Variants in HSP90AA1 observed in about 807,000 individuals in gnomAD.
HSP90AA1 encodes heat shock protein 90 alpha family class A member 1.
A neutral mutation model predicts 73.3 loss-of-function variants in HSP90AA1; 18 were observed. That is an observed-to-expected ratio of 0.25 (90% CI 0.17 to 0.36). The LOEUF is 0.36. Ranked by LOEUF, HSP90AA1 falls within the 10% of genes least tolerant of loss-of-function variation. HSP90AA1 has a pLI of 1.00. For synonymous variants in HSP90AA1, 477 were observed against 296.9 expected, an observed-to-expected ratio of 1.61 and a Z score of -6.24; for missense variants, 704 against 874.2, an observed-to-expected ratio of 0.81 and a Z score of 2.45.
intron 1 of HSP90AA1, among the ~76,000 whole-genome samples, chr14:102,122,384 C>A (rs2049788990): frequency 6.7e-6 from 1 of 150,122 alleles, no homozygotes; most frequent in Admixed American, 6.7e-5. Context: ...AGGTTCACAA[C>A]ATTCTCCTAC....
At chr14:102,083,749 AAC>A (rs758235471) in intron 7 of HSP90AA1, 42 bp downstream of exon 7, 1 of 1,576,758 alleles carries the variant, frequency 6.3e-7, no homozygotes, top group Non-Finnish European at 8.7e-7. Context: ...AAAAAAAAAA[AAC>A]TAAAGAGGCC....
intron 1 of HSP90AA1, among the ~76,000 whole-genome samples, chr14:102,121,787 G>A (rs915603098): frequency 3.3e-5 from 5 of 152,120 alleles, no homozygotes; most frequent in African/African-American, 7.2e-5. Context: ...CCTAATGAAT[G>A]CAACTTTTGT....
At chr14:102,095,891 G>A (rs1386400132) in intron 2 of HSP90AA1, among the ~76,000 whole-genome samples, 2 of 152,062 alleles carry the variant, frequency 1.3e-5, no homozygotes, top group Non-Finnish European at 2.9e-5. Context: ...GTTTTCATCT[G>A]CCCACTTCCC....
Position 102,134,832 on chromosome 14 carries a change from G to A in HSP90AA1, c.155+4418C>T, listed in dbSNP as rs141576357. On this transcript the variant is annotated intron_variant, in intron 1 of 11. Transcript: ENST00000334701. ...CTACAGTGCGGAAGTGAACCCGAGC[G>A]GGTTGCCAATGCTAGCTCGGGCAGC... 5.9e-5 allele frequency among the ~76,000 whole-genome samples: 9 copies of A among 152,234 alleles called. No homozygotes were observed. The East Asian group carries it at 1.7e-3, about 29-fold the overall frequency.
At chr14:102,083,725 TCTGA>T (rs773647027) in intron 7 of HSP90AA1, 32 bp from the exon 8 acceptor site, 8 of 1,575,824 alleles carry the variant, frequency 5.1e-6, no homozygotes, top group Non-Finnish European at 6.9e-6. Flanking sequence ...ACAAAGACTT[TCTGA>T]ATTAAAAAAA....
chr14:102,081,924 A>T, intron 10 of HSP90AA1, 103 bp from the exon 11 acceptor site: 2 of 792,442 alleles, frequency 2.5e-6, no homozygotes, highest in South Asian at 1.4e-5. Flanking sequence ...ATTACAGGAC[A>T]TATGAGTCTC....
At chr14:102,129,510 T>C (rs1218837036) in intron 1 of HSP90AA1, among the ~76,000 whole-genome samples, 2 of 151,194 alleles carry the variant, frequency 1.3e-5, no homozygotes, top group African/African-American at 4.9e-5. Flanking sequence ...ATTCCTTTTT[T>C]TTTTTTTTTT....
In HSP90AA1 at chr14:102,086,389, A is replaced by G. The variant is rs751020408; in HGVS notation, c.1-11T>C. 9.3e-6 allele frequency: 15 copies of G among 1,614,054 alleles called. No homozygotes were observed. The highest frequency in any genetic ancestry group is 9.3e-6 in the Non-Finnish European group (11 of 1,180,030). On this transcript the variant is annotated splice_polypyrimidine_tract_variant and intron_variant, in intron 1 of 10. Transcript: ENST00000216281. ...GGTTTCCTCAGGCATCTGGAACGACACCGCGCCGGTTTAAAACCTTGCAGG... is the reference window on the plus strand; with the variant it reads ...GGTTTCCTCAGGCATCTGGAACGACGCCGCGCCGGTTTAAAACCTTGCAGG...
intron 1 of HSP90AA1, among the ~76,000 whole-genome samples, chr14:102,127,245 T>C (rs1595679925): frequency 6.6e-6 from 1 of 152,308 alleles, no homozygotes; most frequent in East Asian, 1.9e-4. Context: ...CTCTAATCTT[T>C]GCAAAGATAA....
intron 1 of HSP90AA1, among the ~76,000 whole-genome samples, chr14:102,120,982 A>G (rs1042964082): frequency 3.3e-5 from 5 of 151,206 alleles, no homozygotes; most frequent in African/African-American, 4.9e-5. Flanking sequence ...AATATTATAC[A>G]TACTAATCTG....
chr14:102,112,643 T>C (rs2049656409), intron 1 of HSP90AA1, among the ~76,000 whole-genome samples: 1 of 152,112 alleles, frequency 6.6e-6, no homozygotes, highest in Non-Finnish European at 1.5e-5. Context: ...CATGTGCAGC[T>C]AAGTTTTAAA....
At chr14:102,114,134 C>T (rs544957431) in intron 1 of HSP90AA1, among the ~76,000 whole-genome samples, 12 of 152,206 alleles carry the variant, frequency 7.9e-5, no homozygotes, top group East Asian at 3.9e-4. Flanking sequence ...GGACTACAGG[C>T]GTGCGCTAGC....
chr14:102,104,730 G>A (rs910971220), intron 1 of HSP90AA1, among the ~76,000 whole-genome samples: 8 of 151,626 alleles, frequency 5.3e-5, no homozygotes, highest in Non-Finnish European at 1.5e-5. Context: ...AACCAACTTC[G>A]ACTCATCTTT....
intron 2 of HSP90AA1, among the ~76,000 whole-genome samples, chr14:102,100,012 T>G (rs1017196956): frequency 6.6e-5 from 10 of 151,992 alleles, no homozygotes; most frequent in Non-Finnish European, 8.8e-5. Context: ...TATAGGGAAC[T>G]CTCATCTTTA....
chr14:102,122,898 C>T (rs1195782845), intron 1 of HSP90AA1, among the ~76,000 whole-genome samples: 3 of 148,230 alleles, frequency 2.0e-5, no homozygotes, highest in South Asian at 2.2e-4. Context: ...GAACTCCTGA[C>T]CTCAGGTGAT....
upstream of HSP90AA1, among the ~76,000 whole-genome samples, chr14:102,091,513 C>G (rs960139693): frequency 1.3e-5 from 2 of 152,036 alleles, no homozygotes; most frequent in Non-Finnish European, 2.9e-5. Context: ...GTAGTCCCAG[C>G]TACTCGGGAG....
chr14:102,096,515 C>T (rs1196373901), intron 2 of HSP90AA1, among the ~76,000 whole-genome samples: 1 of 152,226 alleles, frequency 6.6e-6, no homozygotes, highest in Non-Finnish European at 1.5e-5. Context: ...CGATGCCCTT[C>T]TCCAGGCAAA....
chr14:102,139,291 T>C, exon 1 of HSP90AA1: 6 of 1,614,002 alleles, frequency 3.7e-6, no homozygotes, highest in Middle Eastern at 1.6e-4. Flanking sequence ...AGGGGCTTCC[T>C]GGGCGGGGAT....
intron 1 of HSP90AA1, 45 bp from the exon 2 acceptor site, chr14:102,086,423 A>T (rs977388551): frequency 1.2e-6 from 2 of 1,607,868 alleles, no homozygotes; most frequent in Non-Finnish European, 1.7e-6. Context: ...GGACGTCTAC[A>T]GAGGCAACAC....
Sources: gnomAD v4.1 joint callset for allele counts (sites outside exome capture counted in the v4.1 genomes callset) on GRCh38, gnomAD v4.1.1 for gene constraint, MANE v1.5 for transcripts, NCBI Gene and HGNC (gene_info 2026-07-23, HGNC 2026-07-21) for gene names.